Variants in PDS5B observed in about 807,000 individuals in gnomAD.
The protein encoded by PDS5B is sister chromatid cohesion protein PDS5 homolog B.
Under a neutral mutation model 184.1 loss-of-function variants are expected in PDS5B, and 51 were observed. The ratio of observed to expected loss-of-function variants is 0.28; its 90% CI spans 0.22 to 0.35. The LOEUF is 0.35. Ranked by LOEUF, PDS5B falls within the 10% of genes least tolerant of loss-of-function variation. The probability of loss-of-function intolerance (pLI) is 1.00; values close to 1 mark genes in which losing one functional copy is unlikely to be tolerated. For synonymous variants in PDS5B, 566 were observed against 569.2 expected, an observed-to-expected ratio of 0.99 and a Z score of 0.08; for missense variants, 1,180 against 1,723.3, an observed-to-expected ratio of 0.68 and a Z score of 5.58.
intron 20 of PDS5B, among the ~76,000 whole-genome samples, chr13:32,732,651 T>C (rs1296145664): frequency 2.0e-5 from 3 of 152,152 alleles, no homozygotes; most frequent in Non-Finnish European, 2.9e-5. Flanking sequence ...GTTTATAGTT[T>C]TATGACTGAC....
At chr13:32,758,476 T>A in intron 27 of PDS5B, 58 bp from the exon 28 acceptor site, 1 of 1,503,762 alleles carries the variant, frequency 6.6e-7, no homozygotes, top group Non-Finnish European at 9.1e-7. Context: ...TATTCCTAGT[T>A]TACAGAGTCT....
intron 3 of PDS5B, among the ~76,000 whole-genome samples, chr13:32,655,374 A>ATATATATATATATATATATATATT: frequency 1.4e-5 from 1 of 72,466 alleles, no homozygotes; most frequent in Non-Finnish European, 2.2e-5. Context: ...ATATATATAT[A>ATATATATATATATATATATATATT]TTTTTTTTTT....
chr13:32,713,933 T>C (rs573472267), intron 19 of PDS5B, among the ~76,000 whole-genome samples: 1 of 152,298 alleles, frequency 6.6e-6, no homozygotes, highest in African/African-American at 2.4e-5. Context: ...TCTTTTCTAT[T>C]TTTCCTAAGC....
At chr13:32,758,423 C>G (rs191732361) in intron 27 of PDS5B, 111 bp from the exon 28 acceptor site, 47 of 1,124,552 alleles carry the variant, frequency 4.2e-5, no homozygotes, top group Admixed American at 1.1e-4. Flanking sequence ...CAGACTGTTG[C>G]TTTCATTAGT....
chr13:32,741,174 AT>A, intron 22 of PDS5B, 26 bp downstream of exon 22: 1 of 1,165,240 alleles, frequency 8.6e-7, no homozygotes, highest in Non-Finnish European at 1.3e-6. Flanking sequence ...AGATCTATTG[AT>A]TTTAATATAA....
intron 20 of PDS5B, 115 bp downstream of exon 20, chr13:32,732,339 GA>G (rs1164629000): frequency 1.4e-6 from 1 of 713,664 alleles, no homozygotes; most frequent in Non-Finnish European, 2.4e-6. Context: ...TATATTTTCA[GA>G]ATTTGAATCA....
chr13:32,719,616 A>G (rs1007696711), intron 19 of PDS5B, among the ~76,000 whole-genome samples: 1 of 152,176 alleles, frequency 6.6e-6, no homozygotes, highest in Non-Finnish European at 1.5e-5. Flanking sequence ...ATTGTAATAA[A>G]GAGGACAGGC....
At chr13:32,720,797 G>A (rs1418674019) in intron 19 of PDS5B, among the ~76,000 whole-genome samples, 2 of 151,840 alleles carry the variant, frequency 1.3e-5, no homozygotes, top group African/African-American at 4.8e-5. Flanking sequence ...GCGGCCTTCC[G>A]CAGTGTTTGT....
chr13:32,653,822 C>A (rs140108531), intron 3 of PDS5B, among the ~76,000 whole-genome samples: 8 of 152,118 alleles, frequency 5.3e-5, no homozygotes, highest in African/African-American at 1.7e-4. Flanking sequence ...GTGGCTCTCC[C>A]GTACTAGATG....
At chr13:32,656,682 T>C (rs1593352840) in intron 3 of PDS5B, among the ~76,000 whole-genome samples, 1 of 151,938 alleles carries the variant, frequency 6.6e-6, no homozygotes, top group East Asian at 1.9e-4. Flanking sequence ...CTACAGTCTT[T>C]GCCTCCTGGG....
chr13:32,631,600 G>T (rs1404617220), intron 1 of PDS5B, among the ~76,000 whole-genome samples: 1 of 152,150 alleles, frequency 6.6e-6, no homozygotes, highest in Non-Finnish European at 1.5e-5. Context: ...AGTCTGTATT[G>T]TGGCAAGTTT....
chr13:32,693,223 C>T (rs1951604643), intron 13 of PDS5B, among the ~76,000 whole-genome samples: 1 of 151,936 alleles, frequency 6.6e-6, no homozygotes. Context: ...AAAATTTATA[C>T]AACTTAGTAA....
chr13:32,685,424 G>A (rs147964344), intron 11 of PDS5B, among the ~76,000 whole-genome samples: 1 of 152,176 alleles, frequency 6.6e-6, no homozygotes, highest in African/African-American at 2.4e-5. Context: ...CTGTTTTTGT[G>A]TATTGTTGGG....
intron 1 of PDS5B, among the ~76,000 whole-genome samples, chr13:32,604,030 A>G (rs2058021160): frequency 6.6e-6 from 1 of 152,202 alleles, no homozygotes; most frequent in South Asian, 2.1e-4. Context: ...AGCAGGGACA[A>G]TTTGACTTCC....
chr13:32,617,956 G>A (rs2058242667), intron 1 of PDS5B, among the ~76,000 whole-genome samples: 1 of 152,142 alleles, frequency 6.6e-6, no homozygotes, highest in Admixed American at 6.5e-5. Flanking sequence ...CTGGAGGCTG[G>A]GAAGTCCAAG....
chr13:32,714,510 G>A (rs1952309604), intron 19 of PDS5B, among the ~76,000 whole-genome samples: 1 of 152,208 alleles, frequency 6.6e-6, no homozygotes, highest in Admixed American at 6.5e-5. Flanking sequence ...GGAGACTGGA[G>A]TCTGTTTTAG....
chr13:32,695,616 T>A (rs541423819), intron 14 of PDS5B, among the ~76,000 whole-genome samples: 1 of 152,136 alleles, frequency 6.6e-6, no homozygotes, highest in African/African-American at 2.4e-5. Flanking sequence ...ATTATGGAAA[T>A]CATAATAACA....
chr13:32,732,904 TTGACA>T (rs1336031859), intron 20 of PDS5B, among the ~76,000 whole-genome samples: 1 of 152,178 alleles, frequency 6.6e-6, no homozygotes, highest in Non-Finnish European at 1.5e-5. Flanking sequence ...CTGATGCTCC[TTGACA>T]TAAGTACTTG....
intron 1 of PDS5B, among the ~76,000 whole-genome samples, chr13:32,648,413 T>G (rs1950281114): frequency 6.6e-6 from 1 of 152,194 alleles, no homozygotes; most frequent in Non-Finnish European, 1.5e-5. Context: ...TGGATTCCTA[T>G]TTTCTCTTAG....
Sources: gnomAD v4.1 joint callset for allele counts (sites outside exome capture counted in the v4.1 genomes callset) on GRCh38, gnomAD v4.1.1 for gene constraint, MANE v1.5 for transcripts, NCBI Gene and HGNC (gene_info 2026-07-23, HGNC 2026-07-21) for gene names.